The following PPP2R3A variants were observed in gnomAD, a reference collection of about 807,000 sequenced individuals.
PPP2R3A encodes serine/threonine-protein phosphatase 2A regulatory subunit B'' subunit alpha.
In PPP2R3A, 80 loss-of-function variants were observed where a neutral mutation model predicts 106.9. The observed-to-expected ratio is 0.75, with a 90% CI of 0.62 to 0.90. The LOEUF is 0.90. Ranked by LOEUF, PPP2R3A falls within the 40% of genes least tolerant of loss-of-function variation. The probability of loss-of-function intolerance (pLI) is 0.00; values close to 1 mark genes in which losing one functional copy is unlikely to be tolerated. For missense variants in PPP2R3A, 1,386 were observed against 1,350.4 expected, an observed-to-expected ratio of 1.03 and a Z score of -0.41; for synonymous variants, 483 against 468.3, an observed-to-expected ratio of 1.03 and a Z score of -0.41.
chr3:136,035,059 G>A (rs1329919050), intron 3 of PPP2R3A, among the ~76,000 whole-genome samples: 2 of 152,032 alleles, frequency 1.3e-5, no homozygotes, highest in Admixed American at 1.3e-4. Flanking sequence ...GTGTCCATTT[G>A]CCTGAAATGT....
At chr3:136,005,357 A>G (rs939500612) in intron 2 of PPP2R3A, among the ~76,000 whole-genome samples, 2 of 152,152 alleles carry the variant, frequency 1.3e-5, no homozygotes, top group African/African-American at 4.8e-5. Flanking sequence ...AATAAGGGAT[A>G]CTCAGTCTGT....
chr3:136,024,971 TTTG>T (rs1424195010), intron 2 of PPP2R3A, among the ~76,000 whole-genome samples: 13 of 152,308 alleles, frequency 8.5e-5, no homozygotes, highest in African/African-American at 2.6e-4. Context: ...GGATTGTCAA[TTTG>T]TTAACTCAAA....
intron 13 of PPP2R3A, among the ~76,000 whole-genome samples, chr3:136,127,672 G>A (rs1439489290): frequency 6.6e-6 from 1 of 152,116 alleles, no homozygotes; most frequent in African/African-American, 2.4e-5. Flanking sequence ...ACACCACAAA[G>A]ATACTCCTCA....
At chr3:135,970,827 C>T (rs911384497) in intron 1 of PPP2R3A, among the ~76,000 whole-genome samples, 1 of 152,188 alleles carries the variant, frequency 6.6e-6, no homozygotes, top group Non-Finnish European at 1.5e-5. Context: ...GATTACCCCT[C>T]TCCCACGTTC....
At chr3:135,985,331 C>T (rs1937594278) in intron 1 of PPP2R3A, among the ~76,000 whole-genome samples, 2 of 139,752 alleles carry the variant, frequency 1.4e-5, no homozygotes, top group South Asian at 4.3e-4. Flanking sequence ...CTTTCCCTTT[C>T]TCTCTCTCTC....
chr3:135,999,836 T>C (rs1375264113), intron 1 of PPP2R3A, among the ~76,000 whole-genome samples: 1 of 151,994 alleles, frequency 6.6e-6, no homozygotes, highest in Non-Finnish European at 1.5e-5. Context: ...TGCAGTGGCG[T>C]GATCTCGGCT....
At chr3:136,029,129 G>A (rs180869567) in intron 3 of PPP2R3A, among the ~76,000 whole-genome samples, 35 of 152,208 alleles carry the variant, frequency 2.3e-4, no homozygotes, top group Admixed American at 5.9e-4. Context: ...CTGAGATTAC[G>A]CCAACAGGGT....
rs780997179 is a variant in PPP2R3A at position 136,146,646 on chromosome 3, T to C, written c.*1480T>C. On this transcript the variant is annotated 3_prime_UTR_variant, in exon 14 of 14. Coordinates refer to ENST00000264977, the MANE Select transcript of PPP2R3A (RefSeq NM_002718.5). ...CTTCATGATTAGAACTGATCTTCCATTTAACTATTACAGAAAGCAGTAACT... is the reference window on the plus strand; with the variant it reads ...CTTCATGATTAGAACTGATCTTCCACTTAACTATTACAGAAAGCAGTAACT... 4 of 152,206 alleles carry C rather than the reference T, an allele frequency of 2.6e-5. No individual in the cohort carries two copies. Among genetic ancestry groups the C allele is most frequent in the Non-Finnish European group, 5.9e-5 (4 of 68,032 alleles). 9.4% of individuals were successfully genotyped at this position (152,206 alleles called of 1,614,324 possible).
intron 9 of PPP2R3A, 121 bp from the exon 10 acceptor site, chr3:136,090,457 C>A: frequency 1.4e-6 from 1 of 701,878 alleles, no homozygotes. Context: ...CTTTATGAGG[C>A]ATTTAGCATT....
At chr3:136,012,922 G>GTA (rs1057234074) in intron 2 of PPP2R3A, among the ~76,000 whole-genome samples, 21 of 152,126 alleles carry the variant, frequency 1.4e-4, no homozygotes, top group Non-Finnish European at 2.2e-4. Context: ...TGTGCCTAAT[G>GTA]TATAGTCTTT....
chr3:135,996,948 CTGG>C (rs1485839140), intron 1 of PPP2R3A, among the ~76,000 whole-genome samples: 1 of 152,118 alleles, frequency 6.6e-6, no homozygotes, highest in Non-Finnish European at 1.5e-5. Context: ...CATTTATAAA[CTGG>C]TTTCTTTCCC....
In PPP2R3A at chr3:136,001,614, C is replaced by T. The variant is rs1046444137; in HGVS notation, c.116C>T (p.Thr39Ile). 1 of 1,614,060 alleles carries T rather than the reference C, an allele frequency of 6.2e-7. No homozygotes were observed. The highest frequency in any genetic ancestry group is 1.3e-5 in the African/African-American group (1 of 74,922). The change falls in exon 2 of 14, where the codon ACA becomes ATA. Residue 39 changes from threonine to isoleucine, a missense_variant. Coordinates refer to ENST00000264977, the MANE Select transcript of PPP2R3A (RefSeq NM_002718.5). ...HYCTGTCHTF[T>I]HGIDCIVVHH... ...TGCACTGGAACCTGCCACACCTTCACACATGGAATTGACTGCATTGTGGTA... is the reference window on the plus strand; with the variant it reads ...TGCACTGGAACCTGCCACACCTTCATACATGGAATTGACTGCATTGTGGTA...
chr3:136,009,776 A>G (rs1238532601), intron 2 of PPP2R3A, among the ~76,000 whole-genome samples: 5 of 152,288 alleles, frequency 3.3e-5, no homozygotes, highest in Admixed American at 2.6e-4. Flanking sequence ...ATTCGTCACT[A>G]AAATCATTCC....
chr3:135,978,753 G>T (rs1460545077), intron 1 of PPP2R3A, among the ~76,000 whole-genome samples: 4 of 151,756 alleles, frequency 2.6e-5, no homozygotes, highest in Non-Finnish European at 5.9e-5. Flanking sequence ...GTAAGTATCA[G>T]GTTATAGATG....
chr3:136,106,644 G>A (rs188865623), intron 13 of PPP2R3A: 13 of 268,690 alleles, frequency 4.8e-5, no homozygotes, highest in East Asian at 1.3e-4. Flanking sequence ...AGCTCTGGCC[G>A]GGCACGGTGG....
At chr3:136,110,138 A>G (rs996553718) in intron 13 of PPP2R3A, among the ~76,000 whole-genome samples, 7 of 152,136 alleles carry the variant, frequency 4.6e-5, no homozygotes, top group Non-Finnish European at 8.8e-5. Context: ...AAAAACCCCA[A>G]CAACCCCACC....
intron 2 of PPP2R3A, among the ~76,000 whole-genome samples, chr3:136,006,284 C>T (rs1362472024): frequency 1.3e-5 from 2 of 152,158 alleles, no homozygotes; most frequent in Admixed American, 1.3e-4. Flanking sequence ...AAAGCTAATT[C>T]AAAGAGACAG....
At chr3:136,064,708 G>A (rs1936203116) in intron 5 of PPP2R3A, among the ~76,000 whole-genome samples, 1 of 152,106 alleles carries the variant, frequency 6.6e-6, no homozygotes. Flanking sequence ...ATAAAATATG[G>A]TATGATTATG....
At chr3:136,049,811 G>GCCTCCTGA (rs1211799031) in intron 5 of PPP2R3A, among the ~76,000 whole-genome samples, 9 of 152,200 alleles carry the variant, frequency 5.9e-5, no homozygotes, top group Non-Finnish European at 1.3e-4. Context: ...TTCACTCACT[G>GCCTCCTGA]CCTCCTGACC....
Sources: gnomAD v4.1 joint callset for allele counts (sites outside exome capture counted in the v4.1 genomes callset) on GRCh38, gnomAD v4.1.1 for gene constraint, MANE v1.5 for transcripts, NCBI Gene and HGNC (gene_info 2026-07-23, HGNC 2026-07-21) for gene names.